The following C2CD5 variants were observed in gnomAD, a reference collection of about 807,000 sequenced individuals.
The protein encoded by C2CD5 is C2 calcium dependent domain containing 5, also known as C2 domain-containing protein 5.
C2CD5 carries 109 observed loss-of-function variants against 130.3 expected under a neutral mutation model. The ratio of observed to expected loss-of-function variants is 0.84; its 90% CI spans 0.72 to 0.98. C2CD5 has a LOEUF of 0.98. Ranked by LOEUF, C2CD5 falls within the 50% of genes least tolerant of loss-of-function variation. The probability of loss-of-function intolerance (pLI) is 0.00; values close to 1 mark genes in which losing one functional copy is unlikely to be tolerated. For synonymous variants in C2CD5, 454 were observed against 429.2 expected, an observed-to-expected ratio of 1.06 and a Z score of -0.71; for missense variants, 996 against 1,261.8, an observed-to-expected ratio of 0.79 and a Z score of 3.19.
chr12:22,487,157 T>A (rs1490470187), intron 12 of C2CD5, among the ~76,000 whole-genome samples: 1 of 152,158 alleles, frequency 6.6e-6, no homozygotes, highest in Non-Finnish European at 1.5e-5. Context: ...AAGGACTTCA[T>A]GTCTAAAACA....
intron 11 of C2CD5, among the ~76,000 whole-genome samples, chr12:22,491,949 T>C (rs1438391763): frequency 4.0e-5 from 6 of 150,916 alleles, no homozygotes; most frequent in Non-Finnish European, 5.9e-5. Context: ...AAACCATCAA[T>C]GTGGCAAGAC....
intron 12 of C2CD5, among the ~76,000 whole-genome samples, chr12:22,487,034 C>T (rs1945632101): frequency 6.6e-6 from 1 of 152,096 alleles, no homozygotes; most frequent in South Asian, 2.1e-4. Context: ...CCCTTCCTTA[C>T]ACCTTATACA....
At chr12:22,460,523 T>C (rs968506147) in intron 22 of C2CD5, 1 of 152,174 alleles carries the variant, frequency 6.6e-6, no homozygotes, top group Non-Finnish European at 1.5e-5. Flanking sequence ...GTTTCTACCA[T>C]AGAATGTTGC....
rs565151247 is a variant in C2CD5, at chr12:22,458,789, G to A, written c.2585-204C>T. 9 of 327,842 alleles carry A rather than the reference G, an allele frequency of 2.7e-5. No individual in the cohort carries two copies. In the South Asian group the frequency reaches 1.4e-3, roughly 51 times the overall value. 20.3% of individuals were successfully genotyped at this position (327,842 alleles called of 1,614,324 possible). A position where few individuals can be genotyped will look rare whatever the true frequency, so the allele number is the denominator to read the frequency against. ...CCAAAACCAAGTTCTCAGTTAGCAGGCTGAGCATTTCTGGTGATGTCATAG... is the reference window on the plus strand; with the variant it reads ...CCAAAACCAAGTTCTCAGTTAGCAGACTGAGCATTTCTGGTGATGTCATAG... On this transcript the variant is annotated intron_variant, in intron 23 of 26. Transcript: ENST00000446597.
Position 22,518,000 on chromosome 12 carries a change from AAACTCAAATCTGTGTCAG to A in C2CD5, c.920_937del (p.Ser307_Ser312del). 1 of 1,613,286 alleles carries A rather than the reference AAACTCAAATCTGTGTCAG, an allele frequency of 6.2e-7. No homozygotes were observed. Among genetic ancestry groups the A allele is most frequent in the Non-Finnish European group, 8.5e-7 (1 of 1,179,638 alleles). On this transcript the variant is annotated inframe_deletion, in exon 8 of 27. Coordinates refer to ENST00000446597, the MANE Select transcript of C2CD5 (RefSeq NM_001286176.2). ...AAGCGCCTTACCAGTTTTGGGTGTC[AAACTCAAATCTGTGTCAG>A]AAGAAGAGGACTGTCGACTGTAGGA...
intron 13 of C2CD5, chr12:22,484,387 C>T: frequency 4.4e-6 from 1 of 228,006 alleles, no homozygotes; most frequent in Non-Finnish European, 8.4e-6. Context: ...AAATGTGTTA[C>T]ATATTGAATG....
chr12:22,460,997 C>CCATCATG, intron 22 of C2CD5, among the ~76,000 whole-genome samples: 1 of 152,316 alleles, frequency 6.6e-6, no homozygotes, highest in South Asian at 2.1e-4. Flanking sequence ...ACACTGTGGA[C>CCATCATG]ATGCCCTGAC....
In C2CD5 at chr12:22,457,970, C is replaced by T. The variant is rs570118032; in HGVS notation, c.2686+514G>A. ...GTAGTTTTTTCCCCCTTTTAATGTA[C>T]GGTAAGCTCTTTCACTCAAATATAT... On this transcript the variant is annotated intron_variant, in intron 24 of 26. Coordinates refer to ENST00000446597, the MANE Select transcript of C2CD5 (RefSeq NM_001286176.2). Among the ~76,000 whole-genome samples, 8 of 152,196 alleles carry T rather than the reference C, an allele frequency of 5.3e-5. No homozygotes were observed. The East Asian group carries it at 1.2e-3, about 22-fold the overall frequency.
chr12:22,519,092 C>T lies in C2CD5; in HGVS notation c.801-955G>A, dbSNP rs1434001002. On this transcript the variant is annotated intron_variant, in intron 7 of 26. Coordinates refer to ENST00000446597, the MANE Select transcript of C2CD5 (RefSeq NM_001286176.2). ...GCCCGTGGCCTGCATCTCCCCAGCT[C>T]TGGAGTCTGAGCAGTCTCGTACCAG... is the stretch of plus-strand genomic sequence containing the variant. 3 of 1,530,142 alleles carry T rather than the reference C, an allele frequency of 2.0e-6. No individual in the cohort carries two copies. The African/African-American group carries it at 4.1e-5, about 21-fold the overall frequency. 94.8% of individuals were successfully genotyped at this position (1,530,142 alleles called of 1,614,324 possible).
At chr12:22,507,337 G>A (rs907675692) in intron 9 of C2CD5, among the ~76,000 whole-genome samples, 1 of 152,168 alleles carries the variant, frequency 6.6e-6, no homozygotes, top group African/African-American at 2.4e-5. Flanking sequence ...AGAGGATAGT[G>A]GCAAATATCA....
chr12:22,508,871 CTTTT>C (rs60617771), intron 9 of C2CD5, among the ~76,000 whole-genome samples: 1 of 138,384 alleles, frequency 7.2e-6, no homozygotes. Context: ...ATACTTAAAT[CTTTT>C]TTTTTTTTTT....
intron 3 of C2CD5, among the ~76,000 whole-genome samples, chr12:22,532,965 AG>A (rs1951449625): frequency 6.6e-6 from 1 of 152,228 alleles, no homozygotes; most frequent in Admixed American, 6.5e-5. Flanking sequence ...ATTCCAAAGA[AG>A]AAAATTTCAG....
chr12:22,480,868 A>C (rs1944607116), intron 14 of C2CD5, among the ~76,000 whole-genome samples: 1 of 152,106 alleles, frequency 6.6e-6, no homozygotes. Context: ...GCAGTGGCAC[A>C]ATCACGGCTC....
intron 10 of C2CD5, among the ~76,000 whole-genome samples, chr12:22,496,676 T>C (rs889713687): frequency 1.0e-4 from 15 of 149,376 alleles, no homozygotes; most frequent in Non-Finnish European, 2.1e-4. Context: ...TATTTTTATA[T>C]ACAAATTATA....
chr12:22,521,273 TGAC>T (rs1950244883), intron 7 of C2CD5, among the ~76,000 whole-genome samples: 1 of 152,170 alleles, frequency 6.6e-6, no homozygotes, highest in Non-Finnish European at 1.5e-5. Context: ...AAAAATAACT[TGAC>T]TTAATTAGTA....
chr12:22,507,642 A>G (rs2136750910), intron 9 of C2CD5, among the ~76,000 whole-genome samples: 1 of 152,352 alleles, frequency 6.6e-6, no homozygotes, highest in Admixed American at 6.5e-5. Flanking sequence ...CTGTGAAAAC[A>G]TGGAGGCCCC....
chr12:22,521,153 A>G (rs1023980884), intron 7 of C2CD5, among the ~76,000 whole-genome samples: 1 of 152,174 alleles, frequency 6.6e-6, no homozygotes, highest in African/African-American at 2.4e-5. Flanking sequence ...GAATAGTTAT[A>G]ATCAGCTGAA....
chr12:22,528,969 G>T (rs567467102), intron 3 of C2CD5, among the ~76,000 whole-genome samples: 8 of 152,240 alleles, frequency 5.3e-5, no homozygotes, highest in African/African-American at 1.9e-4. Context: ...GTGATCTAAG[G>T]TTTTGTTTAT....
chr12:22,544,197 C>T lies in C2CD5; in HGVS notation c.-29-18G>A, dbSNP rs111618867. 6 of 1,573,140 alleles carry T rather than the reference C, an allele frequency of 3.8e-6. No homozygotes were observed. Among genetic ancestry groups the T allele is most frequent in the African/African-American group, 2.7e-5 (2 of 73,556 alleles). On this transcript the variant is annotated intron_variant, in intron 1 of 26. Coordinates refer to ENST00000446597, the MANE Select transcript of C2CD5 (RefSeq NM_001286176.2). ...TTGGGCTCCTGCAGAAACAAACAAA[C>T]GAGTCTGCGCCGAGCGCGGGGCCGG...
Sources: allele counts gnomAD v4.1 joint callset (sites outside exome capture counted in the v4.1 genomes callset), GRCh38; gene constraint gnomAD v4.1.1; transcripts MANE v1.5; gene names NCBI Gene and HGNC (gene_info 2026-07-23, HGNC 2026-07-21).